CBL: variants seen among roughly 807,000 people sequenced by gnomAD.
CBL encodes the protein E3 ubiquitin-protein ligase CBL.
CBL carries 45 observed loss-of-function variants against 96.9 expected under a neutral mutation model. The observed-to-expected ratio is 0.46, with a 90% CI of 0.37 to 0.60. The LOEUF is 0.60. Among genes scored for constraint, CBL ranks in the 20% least tolerant of loss-of-function variants. The pLI, the probability that CBL is intolerant of heterozygous loss-of-function variation, is 0.00. For synonymous variants in CBL, 420 were observed against 426.8 expected (o/e 0.98, Z 0.20); for missense variants, 1,024 against 1,143.5 (o/e 0.90, Z 1.51).
At chr11:119,216,110 A>C (rs1186109215) in intron 1 of CBL, among the ~76,000 whole-genome samples, 1 of 152,206 alleles carries the variant, frequency 6.6e-6, no homozygotes, top group Non-Finnish European at 1.5e-5. Flanking sequence ...CTCACGAGAA[A>C]TAAGCAGCCC....
intron 2 of CBL, among the ~76,000 whole-genome samples, chr11:119,262,412 T>C (rs1709479521): frequency 1.3e-5 from 2 of 152,230 alleles, no homozygotes; most frequent in Admixed American, 1.3e-4. Flanking sequence ...ACTACCATAC[T>C]GATGTTGGTT....
rs5795173 is a variant in CBL, at chr11:119,264,442, T to TCTTCTCTTCTCTTCTC, written c.444-7293_444-7292insCTTCTCTTCTCTTCTC. Among the ~76,000 whole-genome samples the TCTTCTCTTCTCTTCTC allele has an allele frequency of 3.2e-4, 14 of 44,398 alleles. No individual in the cohort carries two copies. In the East Asian group the frequency reaches 4.3e-3, roughly 14 times the overall value. 29.1% of individuals were successfully genotyped at this position (44,398 alleles called of 152,430 possible). On this transcript the variant is annotated intron_variant, in intron 2 of 15. Coordinates refer to ENST00000264033, the MANE Select transcript of CBL (RefSeq NM_005188.4). ...TCTTCTCTTCTCTTCTCTTCTCTTC[T>TCTTCTCTTCTCTTCTC]TTCTCTTCTCTTCTCTTCTCTTTTC...
chr11:119,244,361 C>A (rs1295722279), intron 2 of CBL, among the ~76,000 whole-genome samples: 1 of 151,604 alleles, frequency 6.6e-6, no homozygotes, highest in African/African-American at 2.4e-5. Flanking sequence ...CTTAGAAATT[C>A]TAATGTAATG....
At position 119,300,906 on chromosome 11, in the gene CBL, C is replaced by T. The variant is rs1950097549; in HGVS notation, c.*1125C>T. The T allele has an allele frequency of 3.8e-6, 1 of 261,166 alleles. No individual in the cohort carries two copies. Among genetic ancestry groups the T allele is most frequent in the Non-Finnish European group, 7.3e-6 (1 of 137,444 alleles). The allele number at this position is 261,166 out of a possible 1,614,324, so 16.2% of individuals were successfully genotyped here. On this transcript the variant is annotated 3_prime_UTR_variant, in exon 16 of 16. Transcript: ENST00000264033. ...CACAAAATAGACAGTAAGGATTTATCTGTTCAGTTTTTCTTCCCAGTGAAT... is the reference window on the plus strand; with the variant it reads ...CACAAAATAGACAGTAAGGATTTATTTGTTCAGTTTTTCTTCCCAGTGAAT...
intron 2 of CBL, among the ~76,000 whole-genome samples, chr11:119,254,677 C>T (rs771352426): frequency 1.3e-5 from 2 of 151,998 alleles, no homozygotes; most frequent in African/African-American, 2.4e-5. Flanking sequence ...TCTTGGCTCA[C>T]GGCAGCCTCC....
At chr11:119,284,300 C>CT (rs1182392228) in intron 9 of CBL, among the ~76,000 whole-genome samples, 5 of 151,244 alleles carry the variant, frequency 3.3e-5, no homozygotes, top group East Asian at 3.9e-4. Flanking sequence ...CACTGCCATC[C>CT]TTTTTTTTTA....
At chr11:119,253,450 C>A (rs1192692165) in intron 2 of CBL, among the ~76,000 whole-genome samples, 56 of 84,980 alleles carry the variant, frequency 6.6e-4, no homozygotes, top group Non-Finnish European at 8.8e-4. Context: ...GACCTCATCT[C>A]AAAAAAAAAA....
intron 2 of CBL, among the ~76,000 whole-genome samples, chr11:119,242,376 TA>T (rs1285362897): frequency 2.0e-5 from 3 of 151,566 alleles, no homozygotes; most frequent in African/African-American, 7.3e-5. Flanking sequence ...CCCTCCCTTC[TA>T]AAAATACAAA....
chr11:119,213,107 G>A (rs1171124497), intron 1 of CBL, among the ~76,000 whole-genome samples: 1 of 151,728 alleles, frequency 6.6e-6, no homozygotes, highest in East Asian at 1.9e-4. Context: ...GAGCCACTGC[G>A]CCCAGCCAAG....
rs1460980911 is a variant in CBL, at chr11:119,206,398, G to A, written c.-20G>A. On this transcript the variant is annotated 5_prime_UTR_variant, in exon 1 of 16. Coordinates refer to ENST00000264033, the MANE Select transcript of CBL (RefSeq NM_005188.4). ...GAGCCGAGCCGGCGGACCCGCCTGG[G>A]CTCCGACCCTGCCCAGGCCATGGCC... The A allele has an allele frequency of 2.0e-6, 3 of 1,520,812 alleles. No homozygotes were observed. Among genetic ancestry groups the A allele is most frequent in the Non-Finnish European group, 1.8e-6 (2 of 1,138,168 alleles). The allele number at this position is 1,520,812 out of a possible 1,614,324, so 94.2% of individuals were successfully genotyped here. A position where few individuals can be genotyped will look rare whatever the true frequency, so the allele number is the denominator to read the frequency against.
intron 1 of CBL, among the ~76,000 whole-genome samples, chr11:119,225,713 A>G (rs1187213698): frequency 7.0e-6 from 1 of 142,072 alleles, no homozygotes; most frequent in Non-Finnish European, 1.5e-5. Flanking sequence ...TCCAGCCAAT[A>G]TAAATATTTT....
chr11:119,213,720 C>T (rs1030850193), intron 1 of CBL, among the ~76,000 whole-genome samples: 1 of 152,014 alleles, frequency 6.6e-6, no homozygotes, highest in African/African-American at 2.4e-5. Flanking sequence ...TTATTTTTTA[C>T]TTAAGAGACA....
intron 15 of CBL, 148 bp downstream of exon 15, chr11:119,298,688 A>C: frequency 1.3e-6 from 1 of 756,792 alleles, no homozygotes; most frequent in South Asian, 1.5e-5. Flanking sequence ...CCAAGTTAGG[A>C]AGTTAGACTG....
chr11:119,218,365 T>C (rs1949380288), intron 1 of CBL, among the ~76,000 whole-genome samples: 1 of 152,164 alleles, frequency 6.6e-6, no homozygotes, highest in Non-Finnish European at 1.5e-5. Context: ...TCTTCTGTAA[T>C]ACCCTCATCC....
intron 1 of CBL, among the ~76,000 whole-genome samples, chr11:119,220,952 A>G (rs1949403003): frequency 1.4e-4 from 22 of 152,136 alleles, no homozygotes; most frequent in Admixed American, 1.4e-3. Context: ...TTTGTTAAAA[A>G]AAAGTATAGG....
At position 119,304,360 on chromosome 11, in the gene CBL, T is replaced by C. The variant is rs1650079882; in HGVS notation, c.*4579T>C. On this transcript the variant is annotated 3_prime_UTR_variant, in exon 16 of 16. Coordinates refer to ENST00000264033, the MANE Select transcript of CBL (RefSeq NM_005188.4). ...TATTTTTGACTGCTTAGGGATTCTT[T>C]GGATCCAAGAAACAGAAATGTTCAA... is the stretch of plus-strand genomic sequence containing the variant. 1 of 233,104 alleles carries C rather than the reference T, an allele frequency of 4.3e-6. No homozygotes were observed. Among genetic ancestry groups the C allele is most frequent in the South Asian group, 1.8e-4 (1 of 5,532 alleles). 14.4% of individuals were successfully genotyped at this position (233,104 alleles called of 1,614,324 possible). A position where few individuals can be genotyped will look rare whatever the true frequency, so the allele number is the denominator to read the frequency against.
Position 119,285,255 on chromosome 11 carries a change from C to T in CBL, c.1630C>T (p.Pro544Ser), listed in dbSNP as rs1314064262. The T allele has an allele frequency of 1.2e-6, 2 of 1,614,214 alleles. No individual in the cohort carries two copies. Among genetic ancestry groups the T allele is most frequent in the Admixed American group, 1.7e-5 (1 of 60,024 alleles). The change falls in exon 11 of 16, where the codon CCA (proline) becomes TCA (serine). Residue 544 changes from proline (P) to serine (S), a missense_variant. Around this residue, in one of 4 missense-constraint regions of CBL, gnomAD observed 695 missense variants for 661.6 expected, o/e 1.05. Transcript: ENST00000264033. ...PVPPTLRDLP[P>S]PPPPDRPYSV... ...ACCTCCCACACTTCGAGATCTTCCA[C>T]CACCACCGCCTCCAGACCGGCCATA...
chr11:119,215,378 C>G (rs1362859353), intron 1 of CBL, among the ~76,000 whole-genome samples: 1 of 151,690 alleles, frequency 6.6e-6, no homozygotes, highest in African/African-American at 2.4e-5. Flanking sequence ...AATGATTAAC[C>G]TAGAGTGCTA....
intron 15 of CBL, among the ~76,000 whole-genome samples, chr11:119,299,152 TA>T (rs1488692661): frequency 6.6e-6 from 1 of 152,266 alleles, no homozygotes; most frequent in Non-Finnish European, 1.5e-5. Flanking sequence ...TCCTTATTTG[TA>T]GAAGGCGAAG....
Sources: allele counts gnomAD v4.1 joint callset (sites outside exome capture counted in the v4.1 genomes callset), GRCh38; gene constraint gnomAD v4.1.1; regional missense constraint gnomAD v4.1.1; transcripts MANE v1.5; gene names NCBI Gene and HGNC (gene_info 2026-07-23, HGNC 2026-07-21).